The following SLC8A1 variants were observed in gnomAD, a reference collection of about 807,000 sequenced individuals.
SLC8A1 encodes the protein sodium/calcium exchanger 1.
A neutral mutation model predicts 68.3 loss-of-function variants in SLC8A1; 18 were observed. The ratio of observed to expected loss-of-function variants is 0.26; its 90% CI spans 0.18 to 0.39. The LOEUF (loss-of-function observed/expected upper bound fraction) is 0.39, where lower values mean the gene tolerates loss of function less well. SLC8A1 is among the 10% of genes least tolerant of loss of function. SLC8A1 has a pLI of 1.00. For missense variants in SLC8A1, 985 were observed against 1,156.7 expected (o/e 0.85, Z 2.15); for synonymous variants, 475 against 415.5 (o/e 1.14, Z -1.74).
At chr2:40,435,476 G>C (rs943038477) in intron 1 of SLC8A1, among the ~76,000 whole-genome samples, 1 of 152,076 alleles carries the variant, frequency 6.6e-6, no homozygotes, top group Non-Finnish European at 1.5e-5. Flanking sequence ...TCCAAAGAAA[G>C]TTTCCTCTCT....
At chr2:40,348,302 A>G (rs1400675941) in intron 2 of SLC8A1, among the ~76,000 whole-genome samples, 1 of 152,164 alleles carries the variant, frequency 6.6e-6, no homozygotes. Flanking sequence ...TGGCTTAGCT[A>G]ACTGCATAGG....
chr2:40,306,978 A>T (rs901747947), intron 2 of SLC8A1, among the ~76,000 whole-genome samples: 13 of 152,184 alleles, frequency 8.5e-5, no homozygotes, highest in African/African-American at 3.1e-4. Context: ...ATAAGTTGAA[A>T]AAAATCAATA....
intron 2 of SLC8A1, among the ~76,000 whole-genome samples, chr2:40,226,764 A>C (rs546195885): frequency 6.6e-6 from 1 of 152,328 alleles, no homozygotes; most frequent in East Asian, 1.9e-4. Context: ...CTAATGAATG[A>C]TCTAAAAGAT....
At chr2:40,162,568 A>C (rs2045871509) in intron 5 of SLC8A1, among the ~76,000 whole-genome samples, 1 of 152,232 alleles carries the variant, frequency 6.6e-6, no homozygotes, top group Non-Finnish European at 1.5e-5. Flanking sequence ...GGTAGATTTT[A>C]AACTGTAGTT....
intron 6 of SLC8A1, among the ~76,000 whole-genome samples, chr2:40,147,104 A>G (rs1056817976): frequency 1.3e-5 from 2 of 152,208 alleles, no homozygotes; most frequent in African/African-American, 2.4e-5. Context: ...AATATTTCTC[A>G]GCAAATGTAG....
chr2:40,255,570 T>C (rs968360404), intron 2 of SLC8A1, among the ~76,000 whole-genome samples: 1 of 152,230 alleles, frequency 6.6e-6, no homozygotes, highest in Non-Finnish European at 1.5e-5. Context: ...ATTATGAGAC[T>C]GGTTCTGTTA....
At chr2:40,421,050 T>C (rs1472694741) in intron 2 of SLC8A1, among the ~76,000 whole-genome samples, 1 of 152,008 alleles carries the variant, frequency 6.6e-6, no homozygotes, top group Non-Finnish European at 1.5e-5. Flanking sequence ...TTAATAAATC[T>C]TAGTGCCATC....
chr2:40,335,168 G>A (rs559356708), intron 2 of SLC8A1, among the ~76,000 whole-genome samples: 73 of 152,254 alleles, frequency 4.8e-4, no homozygotes, highest in African/African-American at 1.4e-3. Flanking sequence ...TACAATATCC[G>A]TATATTATTT....
exon 8 of SLC8A1, chr2:40,109,504 G>A (rs2034430226): frequency 6.6e-6 from 1 of 152,144 alleles, no homozygotes; most frequent in African/African-American, 2.4e-5. Context: ...CATTTACAAA[G>A]ATTCCATACT....
intron 1 of SLC8A1, among the ~76,000 whole-genome samples, chr2:40,459,487 GA>G (rs1205201968): frequency 2.6e-5 from 4 of 152,132 alleles, no homozygotes; most frequent in Non-Finnish European, 4.4e-5. Context: ...ATGGCCATAT[GA>G]CTTGTACCAC....
intron 2 of SLC8A1, among the ~76,000 whole-genome samples, chr2:40,330,006 T>C (rs1270403816): frequency 6.6e-6 from 1 of 152,184 alleles, no homozygotes; most frequent in Admixed American, 6.5e-5. Context: ...GAGCTGAAAC[T>C]TCAGAAGCAT....
upstream of SLC8A1, among the ~76,000 whole-genome samples, chr2:40,456,283 T>G (rs1423037216): frequency 7.6e-6 from 1 of 130,798 alleles, no homozygotes; most frequent in East Asian, 2.8e-4. Flanking sequence ...ACCACTGCAC[T>G]CCAGCCTGGG....
At chr2:40,374,938 C>T (rs949379848) in intron 2 of SLC8A1, among the ~76,000 whole-genome samples, 3 of 152,118 alleles carry the variant, frequency 2.0e-5, no homozygotes, top group Non-Finnish European at 4.4e-5. Context: ...ATATTTTCAT[C>T]TTCCTTATTT....
intron 1 of SLC8A1, among the ~76,000 whole-genome samples, chr2:40,475,885 A>G (rs988054468): frequency 6.6e-6 from 1 of 152,024 alleles, no homozygotes; most frequent in African/African-American, 2.4e-5. Flanking sequence ...TTTTCCCCCA[A>G]AAAACATAAC....
chr2:40,393,911 C>T (rs1203924946), intron 2 of SLC8A1, among the ~76,000 whole-genome samples: 1 of 152,000 alleles, frequency 6.6e-6, no homozygotes, highest in African/African-American at 2.4e-5. Flanking sequence ...TGGGTTATTT[C>T]AAATACCCCA....
chr2:40,412,541 T>G (rs1023633345), intron 2 of SLC8A1, among the ~76,000 whole-genome samples: 2 of 152,182 alleles, frequency 1.3e-5, no homozygotes, highest in African/African-American at 4.8e-5. Context: ...ACCATGGGAA[T>G]GGAGGCACTA....
intron 2 of SLC8A1, among the ~76,000 whole-genome samples, chr2:40,244,003 G>T (rs2148981335): frequency 6.6e-6 from 1 of 152,114 alleles, no homozygotes; most frequent in Non-Finnish European, 1.5e-5. Context: ...TTACTGAGGG[G>T]TCTAGGGTCT....
intron 7 of SLC8A1, among the ~76,000 whole-genome samples, chr2:40,132,426 T>A (rs1421587463): frequency 6.6e-6 from 1 of 152,160 alleles, no homozygotes; most frequent in South Asian, 2.1e-4. Flanking sequence ...TCCAGGCATA[T>A]TGTACCCTAT....
At chr2:40,173,054 T>G (rs1359585083) in intron 4 of SLC8A1, among the ~76,000 whole-genome samples, 1 of 152,120 alleles carries the variant, frequency 6.6e-6, no homozygotes, top group Non-Finnish European at 1.5e-5. Flanking sequence ...TTAGTTAGGG[T>G]CTCTTTATCA....
Sources: allele counts gnomAD v4.1 joint callset (sites outside exome capture counted in the v4.1 genomes callset), GRCh38; gene constraint gnomAD v4.1.1; transcripts MANE v1.5; gene names NCBI Gene and HGNC (gene_info 2026-07-23, HGNC 2026-07-21).